The following PEX26 variants were observed in gnomAD, a reference collection of about 807,000 sequenced individuals.
The protein encoded by PEX26 is peroxisome assembly protein 26.
In PEX26, 18 loss-of-function variants were observed where a neutral mutation model predicts 31.4. That is an observed-to-expected ratio of 0.57 (90% CI 0.40 to 0.85). The LOEUF (loss-of-function observed/expected upper bound fraction) is 0.85, where lower values mean the gene tolerates loss of function less well. Among genes scored for constraint, PEX26 ranks in the 40% least tolerant of loss-of-function variants. The pLI, the probability that PEX26 is intolerant of heterozygous loss-of-function variation, is 0.00. For missense variants in PEX26, 377 were observed against 383.9 expected, an observed-to-expected ratio of 0.98 and a Z score of 0.15; for synonymous variants, 176 against 166.9, an observed-to-expected ratio of 1.05 and a Z score of -0.42.
At chr22:18,084,948 C>T (rs898627204) in intron 3 of PEX26, among the ~76,000 whole-genome samples, 164 bp from the exon 4 acceptor site, 2 of 152,074 alleles carry the variant, frequency 1.3e-5, no homozygotes, top group Admixed American at 1.3e-4. Flanking sequence ...GTCTCGATCT[C>T]CTGACCTTGT....
At chr22:18,087,818 T>A (rs1926902839) in intron 4 of PEX26, among the ~76,000 whole-genome samples, 154 bp from the exon 5 acceptor site, 1 of 152,108 alleles carries the variant, frequency 6.6e-6, no homozygotes, top group South Asian at 2.1e-4. Flanking sequence ...TGCACTGTAC[T>A]CTAGCCTAGG....
chr22:18,102,673 G>C lies in PEX26; in HGVS notation c.*14598G>C, dbSNP rs1927485227. 6.6e-6 allele frequency: 1 copy of C among 152,294 alleles called. No individual in the cohort carries two copies. The highest frequency in any genetic ancestry group is 1.5e-5 in the Non-Finnish European group (1 of 68,078). The allele number at this position is 152,294 out of a possible 1,614,324, so 9.4% of individuals were successfully genotyped here. A position where few individuals can be genotyped will look rare whatever the true frequency, so the allele number is the denominator to read the frequency against. ...AGCATCAAATTCTGTCTGATGAAGGGCACCAGCCCCTTCATCTTTATCATG... is the reference window on the plus strand; with the variant it reads ...AGCATCAAATTCTGTCTGATGAAGGCCACCAGCCCCTTCATCTTTATCATG... On this transcript the variant is annotated 3_prime_UTR_variant, in exon 5 of 5. Coordinates refer to ENST00000399744, the MANE Select transcript of PEX26 (RefSeq NM_001127649.3).
At position 18,099,771 on chromosome 22, in the gene PEX26, T is replaced by C. The variant is rs1306847526; in HGVS notation, c.*11696T>C. On this transcript the variant is annotated 3_prime_UTR_variant, in exon 5 of 5. Transcript: ENST00000399744. Reference sequence around the variant, plus strand: ...TGTTTCTTCCAGCTTCTGCTGGCTCTAAGTGTTCCCTGGCCTGCGACAGCA... The same window carrying C: ...TGTTTCTTCCAGCTTCTGCTGGCTCCAAGTGTTCCCTGGCCTGCGACAGCA... 3.9e-5 allele frequency: 6 copies of C among 152,230 alleles called. No individual in the cohort carries two copies. The highest frequency in any genetic ancestry group is 1.5e-5 in the Non-Finnish European group (1 of 68,058). The allele number at this position is 152,230 out of a possible 1,614,324, so 9.4% of individuals were successfully genotyped here.
intron 2 of PEX26, among the ~76,000 whole-genome samples, chr22:18,080,861 A>G (rs1926548040): frequency 6.6e-6 from 1 of 152,152 alleles, no homozygotes; most frequent in African/African-American, 2.4e-5. Flanking sequence ...ACCGTGCAAT[A>G]GAACACCACA....
chr22:18,081,243 TATAC>T (rs1412210386), intron 2 of PEX26, among the ~76,000 whole-genome samples: 736 of 62,428 alleles, frequency 0.012, 6 homozygotes, highest in African/African-American at 0.03. Flanking sequence ...TATGTACACA[TATAC>T]ACACACACAC....
rs1188153085 is a variant in PEX26 at position 18,093,529 on chromosome 22, C to T, written c.*5454C>T. Reference sequence around the variant, plus strand: ...AGTGAGCCTAGATGGCGCCACTGCACTCCAGCCTGGGGGACAGAGCAAGAC... The same window carrying T: ...AGTGAGCCTAGATGGCGCCACTGCATTCCAGCCTGGGGGACAGAGCAAGAC... On this transcript the variant is annotated 3_prime_UTR_variant, in exon 5 of 5. Coordinates refer to ENST00000399744, the MANE Select transcript of PEX26 (RefSeq NM_001127649.3). 6.6e-6 allele frequency: 1 copy of T among 150,914 alleles called. No homozygotes were observed. Among genetic ancestry groups the T allele is most frequent in the Non-Finnish European group, 1.5e-5 (1 of 67,868 alleles). The allele number at this position is 150,914 out of a possible 1,614,324, so 9.3% of individuals were successfully genotyped here.
rs1430248583 is a variant in PEX26 at position 18,092,229 on chromosome 22, C to T, written c.*4154C>T. 1.3e-5 allele frequency: 2 copies of T among 152,294 alleles called. No individual in the cohort carries two copies. The highest frequency in any genetic ancestry group is 1.5e-5 in the Non-Finnish European group (1 of 68,078). 9.4% of individuals were successfully genotyped at this position (152,294 alleles called of 1,614,324 possible). ...CTCTGGCCTAGTCAAGCAACCCACC[C>T]ACGGCCTGGCCAAGGTCGGCCTCAC... On this transcript the variant is annotated 3_prime_UTR_variant, in exon 5 of 5. Coordinates refer to ENST00000399744, the MANE Select transcript of PEX26 (RefSeq NM_001127649.3).
In PEX26 at chr22:18,080,028, G is replaced by GCTGACT. The variant is rs1178397193; in HGVS notation, c.371+16_371+21dup. The GCTGACT allele has an allele frequency of 1.9e-6, 3 of 1,613,852 alleles. No homozygotes were observed. The East Asian group carries it at 6.7e-5, about 36-fold the overall frequency. On this transcript the variant is annotated intron_variant, in intron 2 of 4. Transcript: ENST00000399744. ...CCTGGAGCTGTGGTAAGTCTTCTTT[G>GCTGACT]CTGACTCATCAGATCGGTTCAGAAA...
intron 3 of PEX26, 70 bp from the exon 4 acceptor site, chr22:18,085,042 C>T (rs1926782743): frequency 6.4e-7 from 1 of 1,564,738 alleles, no homozygotes; most frequent in Non-Finnish European, 8.8e-7. Flanking sequence ...TAGAAGCAAG[C>T]ACAGAGGTCG....
rs1252318098 is a variant in PEX26 at position 18,099,588 on chromosome 22, C to T, written c.*11513C>T. ...TTACCTATTCAGCTTCCAACATTAT[C>T]ACTTCCTTACTACACACATTTGTTT... On this transcript the variant is annotated 3_prime_UTR_variant, in exon 5 of 5. Transcript: ENST00000399744. The T allele has an allele frequency of 1.3e-5, 2 of 152,190 alleles. No homozygotes were observed. The highest frequency in any genetic ancestry group is 4.8e-5 in the African/African-American group (2 of 41,442). 9.4% of individuals were successfully genotyped at this position (152,190 alleles called of 1,614,324 possible). A position where few individuals can be genotyped will look rare whatever the true frequency, so the allele number is the denominator to read the frequency against.
intron 3 of PEX26, 104 bp downstream of exon 3, chr22:18,083,836 G>A: frequency 1.9e-6 from 2 of 1,037,348 alleles, no homozygotes; most frequent in African/African-American, 1.6e-5. Flanking sequence ...GCAGTTCTTT[G>A]TATGAATAAC....
chr22:18,097,834 C>A lies in PEX26; in HGVS notation c.*9759C>A, dbSNP rs1289323451. 2.0e-5 allele frequency: 3 copies of A among 152,188 alleles called. No individual in the cohort carries two copies. The highest frequency in any genetic ancestry group is 3.9e-4 in the East Asian group (2 of 5,192). The allele number at this position is 152,188 out of a possible 1,614,324, so 9.4% of individuals were successfully genotyped here. ...GGGATTATAGGCATAAGCCACCACA[C>A]CCAGATGATTTTTTTATTTTTCAAA... is the stretch of plus-strand genomic sequence containing the variant. On this transcript the variant is annotated 3_prime_UTR_variant, in exon 5 of 5. Transcript: ENST00000399744.
Position 18,080,031 on chromosome 22 carries a change from G to A in PEX26, c.371+17G>A. The A allele has an allele frequency of 6.2e-7, 1 of 1,613,894 alleles. No individual in the cohort carries two copies. Among genetic ancestry groups the A allele is most frequent in the South Asian group, 1.1e-5 (1 of 91,044 alleles). ...GGAGCTGTGGTAAGTCTTCTTTGCT[G>A]ACTCATCAGATCGGTTCAGAAACGA... On this transcript the variant is annotated intron_variant, in intron 2 of 4. Coordinates refer to ENST00000399744, the MANE Select transcript of PEX26 (RefSeq NM_001127649.3).
At chr22:18,084,723 CTTTT>C (rs762094985) in intron 3 of PEX26, among the ~76,000 whole-genome samples, 1 of 139,330 alleles carries the variant, frequency 7.2e-6, no homozygotes. Context: ...TTACTAAACT[CTTTT>C]TTTTTTTTTT....
Position 18,079,983 on chromosome 22 carries a change from G to A in PEX26, c.340G>A (p.Glu114Lys). The A allele has an allele frequency of 6.2e-7, 1 of 1,614,164 alleles. No homozygotes were observed. Among genetic ancestry groups the A allele is most frequent in the Non-Finnish European group, 8.5e-7 (1 of 1,180,024 alleles). The change falls in exon 2 of 5, where the codon GAA becomes AAA. Residue 114 changes from glutamate to lysine, a missense_variant. By Grantham distance (56) the Glu-to-Lys change is moderately conservative. Transcript: ENST00000399744. ...GGTCCTTCAGTATTACCAGGTCCCT[G>A]AAAAGCTACCCCCCAAAGTCCTGGA... ...SWVLQYYQVP[E>K]KLPPKVLELC...
Position 18,078,413 on chromosome 22 carries a change from A to C in PEX26, c.37A>C (p.Arg13=). Residue 13 remains arginine, a synonymous_variant, in exon 1 of 5, where the codon AGG becomes CGG. Transcript: ENST00000399744. ...TTCTTCGACCTCTGCAGCCCCCCTC[A>C]GGGGGCTCGGGGGACCCCTGCGCAG... ...SDSSTSAAPL[R]GLGGPLRSSE... The C allele has an allele frequency of 6.3e-7, 1 of 1,584,656 alleles. No homozygotes were observed. The highest frequency in any genetic ancestry group is 8.5e-7 in the Non-Finnish European group (1 of 1,169,634).
rs1477662229 is a variant in PEX26 at position 18,083,720 on chromosome 22, C to T, written c.655C>T (p.Pro219Ser). The change falls in exon 3 of 5, where the codon CCA (proline) becomes TCA (serine). Residue 219 changes from proline to serine, a missense_variant. By Grantham distance (74) the Pro-to-Ser change is moderately conservative. Transcript: ENST00000399744. ...EHSGSEEAQKPNLEGSVSHKF... is the reference protein window; with the variant it reads ...EHSGSEEAQKSNLEGSVSHKF... The stretch of plus-strand genomic sequence containing the variant: ...CTCAGGCTCTGAGGAGGCCCAGAAG[C>T]CAAACCTGGAAGGTAGGACATTATC... 2.5e-6 allele frequency: 4 copies of T among 1,613,940 alleles called. No homozygotes were observed. In the Admixed American group the frequency reaches 6.7e-5, roughly 27 times the overall value.
rs1569191699 is a variant in PEX26 at position 18,092,822 on chromosome 22, T to TGG, written c.*4747_*4748insGG. On this transcript the variant is annotated 3_prime_UTR_variant, in exon 5 of 5. Transcript: ENST00000399744. ...CCTAGTGGGACCCCATTTCTTTTTT[T>TGG]TGGGGGGGGGGTGGGTTATAAAAGC... 65 of 74,552 alleles carry TGG rather than the reference T, an allele frequency of 8.7e-4. 1 individual carries two copies. Among genetic ancestry groups the TGG allele is most frequent in the African/African-American group, 2.9e-3 (59 of 20,168 alleles). The allele number at this position is 74,552 out of a possible 1,614,324, so 4.6% of individuals were successfully genotyped here. A position where few individuals can be genotyped will look rare whatever the true frequency, so the allele number is the denominator to read the frequency against.
At chr22:18,085,494 C>G (rs1367056621) in intron 4 of PEX26, among the ~76,000 whole-genome samples, 1 of 152,190 alleles carries the variant, frequency 6.6e-6, no homozygotes, top group African/African-American at 2.4e-5. Context: ...CCACTTGGCC[C>G]TGCTGACTCC....
Sources: allele counts gnomAD v4.1 joint callset (sites outside exome capture counted in the v4.1 genomes callset), GRCh38; gene constraint gnomAD v4.1.1; transcripts MANE v1.5; gene names NCBI Gene and HGNC (gene_info 2026-07-23, HGNC 2026-07-21).